The following ABL2 variants were observed in gnomAD, a reference collection of about 807,000 sequenced individuals.
ABL2 encodes tyrosine-protein kinase ABL2.
Under a neutral mutation model 107.7 loss-of-function variants are expected in ABL2, and 49 were observed. The ratio of observed to expected loss-of-function variants is 0.45; its 90% CI spans 0.36 to 0.58. The LOEUF (loss-of-function observed/expected upper bound fraction) is 0.58. Among genes scored for constraint, ABL2 ranks in the 20% least tolerant of loss-of-function variants. The pLI is 0.00. For missense variants in ABL2, 1,245 were observed against 1,457.0 expected (o/e 0.85, Z 2.37); for synonymous variants, 549 against 548.6 (o/e 1.00, Z -0.01).
intron 1 of ABL2, among the ~76,000 whole-genome samples, chr1:179,225,492 A>AATTC (rs920211587): frequency 4.6e-5 from 7 of 152,216 alleles, no homozygotes; most frequent in Non-Finnish European, 1.0e-4. Flanking sequence ...TTTCGAATCT[A>AATTC]ATTCATTCAT....
rs1357000019 is a variant in ABL2 at position 179,136,741 on chromosome 1, T to TAAATAAAA, written c.158-3368_158-3367insTTTTATTT. ...ATAAATAAATAAATAAATAAATAAA[T>TAAATAAAA]AAAAATAAAAATAAAAATACAAAAA... On this transcript the variant is annotated intron_variant, in intron 1 of 11. Transcript: ENST00000502732. Among the ~76,000 whole-genome samples the TAAATAAAA allele has an allele frequency of 7.4e-3, 921 of 124,252 alleles. 26 individuals carry two copies. Among genetic ancestry groups the TAAATAAAA allele is most frequent in the Admixed American group, 0.052 (643 of 12,442 alleles). 81.5% of individuals were successfully genotyped at this position (124,252 alleles called of 152,430 possible).
chr1:179,171,379 G>T (rs1306705008), intron 1 of ABL2, among the ~76,000 whole-genome samples: 1 of 152,096 alleles, frequency 6.6e-6, no homozygotes, highest in Non-Finnish European at 1.5e-5. Flanking sequence ...TAGAGATTTC[G>T]CTAGAACAAG....
chr1:179,219,792 T>G (rs1027003245), intron 1 of ABL2, among the ~76,000 whole-genome samples: 6 of 152,330 alleles, frequency 3.9e-5, no homozygotes, highest in African/African-American at 1.2e-4. Context: ...AATGAAGTAA[T>G]AAATATAAAT....
intron 1 of ABL2, among the ~76,000 whole-genome samples, chr1:179,162,618 C>A (rs1401516145): frequency 2.0e-5 from 3 of 151,872 alleles, no homozygotes; most frequent in Non-Finnish European, 4.4e-5. Context: ...TAAAAAACCC[C>A]AAAAAATAGC....
chr1:179,110,041 A>G (rs1222479355), intron 11 of ABL2, among the ~76,000 whole-genome samples: 1 of 152,198 alleles, frequency 6.6e-6, no homozygotes, highest in Admixed American at 6.5e-5. Flanking sequence ...TATCGGGTTC[A>G]GCGAAGTTTT....
At chr1:179,171,552 C>T (rs755282183) in intron 1 of ABL2, among the ~76,000 whole-genome samples, 10 of 152,208 alleles carry the variant, frequency 6.6e-5, no homozygotes, top group Non-Finnish European at 1.3e-4. Context: ...AGTGCAGTGG[C>T]ACCATCATAG....
At chr1:179,179,993 T>G (rs1660279126) in intron 1 of ABL2, among the ~76,000 whole-genome samples, 1 of 151,382 alleles carries the variant, frequency 6.6e-6, no homozygotes, top group African/African-American at 2.4e-5. Flanking sequence ...ACGCCTGTCA[T>G]CCAAGCTACC....
At chr1:179,213,062 A>G (rs1662370050) in intron 1 of ABL2, among the ~76,000 whole-genome samples, 1 of 71,826 alleles carries the variant, frequency 1.4e-5, no homozygotes, top group Non-Finnish European at 3.7e-5. Context: ...AAAAAAAAAA[A>G]AAGAAATATA....
chr1:179,144,407 CCAAGATCGCGCCACTGCACTCCAG>C (rs1433199713), intron 1 of ABL2, among the ~76,000 whole-genome samples: 1 of 152,048 alleles, frequency 6.6e-6, no homozygotes, highest in African/African-American at 2.4e-5. Flanking sequence ...TTGCAGTGAG[CCAAGATCGCGCCACTGCACTCCAG>C]CCTGGGCGAC....
At position 179,187,583 on chromosome 1, in the gene ABL2, A is replaced by G. The variant is rs1034930905; in HGVS notation, c.157+41658T>C. Among the ~76,000 whole-genome samples, 8 of 152,324 alleles carry G rather than the reference A, an allele frequency of 5.3e-5. No individual in the cohort carries two copies. In the South Asian group the frequency reaches 1.0e-3, roughly 20 times the overall value. ...GAGTTTCTTTGGGGAATTTTACCAT[A>G]TTTCTTGAAATAAGGGATCTGTACA... On this transcript the variant is annotated intron_variant, in intron 1 of 11. Transcript: ENST00000502732.
chr1:179,125,445 G>A (rs561545180), intron 4 of ABL2, among the ~76,000 whole-genome samples: 2 of 152,164 alleles, frequency 1.3e-5, no homozygotes, highest in East Asian at 3.9e-4. Flanking sequence ...ATGTCTTCTG[G>A]CACACATATG....
chr1:179,107,586 G>A lies in ABL2; in HGVS notation c.*132C>T, dbSNP rs2102571030. On this transcript the variant is annotated 3_prime_UTR_variant, in exon 12 of 12. Coordinates refer to ENST00000502732, the MANE Select transcript of ABL2 (RefSeq NM_007314.4). ...TGAAACTGTAAACGTGAGAACTCAG[G>A]GATCTGAGGTACTTCACATAAACAC... 1 of 1,457,506 alleles carries A rather than the reference G, an allele frequency of 6.9e-7. No homozygotes were observed. The highest frequency in any genetic ancestry group is 1.4e-5 in the South Asian group (1 of 69,448). 90.3% of individuals were successfully genotyped at this position (1,457,506 alleles called of 1,614,324 possible). A position where few individuals can be genotyped will look rare whatever the true frequency, so the allele number is the denominator to read the frequency against.
chr1:179,217,209 G>A (rs557596187), intron 1 of ABL2, among the ~76,000 whole-genome samples: 5 of 152,018 alleles, frequency 3.3e-5, no homozygotes, highest in Admixed American at 6.6e-5. Context: ...CAGGAAAATC[G>A]CTTGAACTCA....
rs141705797 is a variant in ABL2, at chr1:179,172,610, G to A, written c.158-39236C>T. Among the ~76,000 whole-genome samples the A allele has an allele frequency of 2.5e-3, 378 of 152,242 alleles. 5 individuals are homozygous for A. Among genetic ancestry groups the A allele is most frequent in the African/African-American group, 8.8e-3 (367 of 41,528 alleles). ...ATGGTTCTCAATCTCCCTGACCATA[G>A]AAATATTTATATCTTCATAGGATAC... On this transcript the variant is annotated intron_variant, in intron 1 of 11. Transcript: ENST00000502732.
intron 1 of ABL2, among the ~76,000 whole-genome samples, chr1:179,193,594 T>C (rs1237881974): frequency 2.0e-5 from 3 of 152,060 alleles, no homozygotes; most frequent in African/African-American, 7.2e-5. Context: ...TTAGTAGAGA[T>C]GGGGTTTCAC....
chr1:179,181,790 T>C (rs12128447), intron 1 of ABL2, among the ~76,000 whole-genome samples: 14,323 of 151,848 alleles, frequency 0.094, 712 homozygotes, highest in African/African-American at 0.12. Flanking sequence ...TTATTTTATT[T>C]TTATTTTTGA....
At chr1:179,139,551 T>A (rs573393025) in intron 1 of ABL2, among the ~76,000 whole-genome samples, 41 of 152,218 alleles carry the variant, frequency 2.7e-4, no homozygotes, top group Admixed American at 1.4e-3. Flanking sequence ...ACAAACAACA[T>A]CCAATTCACT....
chr1:179,130,739 T>TGG (rs1656230802), intron 3 of ABL2, among the ~76,000 whole-genome samples: 1 of 149,968 alleles, frequency 6.7e-6, no homozygotes, highest in African/African-American at 2.5e-5. Context: ...TGTGTGTGTG[T>TGG]GTGTGTGTGT....
chr1:179,111,864 C>T (rs1032367448), intron 10 of ABL2, among the ~76,000 whole-genome samples: 3 of 151,914 alleles, frequency 2.0e-5, no homozygotes, highest in Admixed American at 2.0e-4. Context: ...GCCAACATGG[C>T]GAAACCCCAT....
Sources: allele counts gnomAD v4.1 joint callset (sites outside exome capture counted in the v4.1 genomes callset), GRCh38; gene constraint gnomAD v4.1.1; transcripts MANE v1.5; gene names NCBI Gene and HGNC (gene_info 2026-07-23, HGNC 2026-07-21).